ABCF2: variants seen among roughly 807,000 people sequenced by gnomAD.
ABCF2 encodes ATP binding cassette subfamily F member 2.
Under a neutral mutation model 76.9 loss-of-function variants are expected in ABCF2, and 37 were observed. The observed-to-expected ratio is 0.48, with a 90% CI of 0.37 to 0.63. ABCF2 has a LOEUF of 0.63. ABCF2 is among the 30% of genes least tolerant of loss of function. ABCF2 has a pLI of 0.00. For missense variants in ABCF2, 524 were observed against 782.1 expected (o/e 0.67, Z 3.94); for synonymous variants, 299 against 283.7 (o/e 1.05, Z -0.54).
chr7:151,220,544 G>C (rs1276082553), intron 7 of ABCF2, among the ~76,000 whole-genome samples: 2 of 152,134 alleles, frequency 1.3e-5, no homozygotes, highest in Non-Finnish European at 2.9e-5. Flanking sequence ...GACATCAATC[G>C]TTAGTTTCTT....
At chr7:151,223,873 G>A in intron 4 of ABCF2, 24 bp from the exon 5 acceptor site, 1 of 1,605,762 alleles carries the variant, frequency 6.2e-7, no homozygotes, top group Non-Finnish European at 8.5e-7. Flanking sequence ...ATGGCCATGA[G>A]GCTCCTGGGG....
chr7:151,224,412 C>G (rs1007240871), intron 3 of ABCF2, among the ~76,000 whole-genome samples: 1 of 152,154 alleles, frequency 6.6e-6, no homozygotes, highest in Admixed American at 6.5e-5. Flanking sequence ...GGTGGACGCA[C>G]CCTAATCTGA....
Position 151,218,832 on chromosome 7 carries a change from G to A in ABCF2, c.1059C>T (p.Ala353=), listed in dbSNP as rs572488243. ...TCTTCTCCTTGCTCTGGGCCTGCCG[G>A]GCCAGCTTGGCACTGCCATGACCAA... ...ARFGHGSAKL[A]RQAQSKEKTL... Residue 353 remains alanine (A), a synonymous_variant, in exon 9 of 15, where the codon GCC becomes GCT. Transcript: ENST00000287844. The A allele has an allele frequency of 1.0e-4, 161 of 1,613,328 alleles. No individual in the cohort carries two copies. The South Asian group carries it at 1.7e-3, about 17-fold the overall frequency.
Position 151,218,574 on chromosome 7 carries a change from T to A in ABCF2, c.1214A>T (p.Tyr405Phe). 6.2e-7 allele frequency: 1 copy of A among 1,614,032 alleles called. No homozygotes were observed. The highest frequency in any genetic ancestry group is 8.5e-7 in the Non-Finnish European group (1 of 1,179,916). Residue 405 changes from tyrosine (Y) to phenylalanine (F), a missense_variant, in exon 10 of 15, where the codon TAT (tyrosine) becomes TTT (phenylalanine). By Grantham distance (22) the Tyr-to-Phe change is conservative. This residue lies in a region of ABCF2 where 194 missense variants were observed against 348.6 expected (regional missense o/e 0.56). Coordinates refer to ENST00000287844, the MANE Select transcript of ABCF2 (RefSeq NM_007189.3). Reference protein sequence around the residue: ...VIMVQNVSFKYTKDGPCIYNN... With the variant: ...VIMVQNVSFKFTKDGPCIYNN... ...CCCTGAACTTACCCCATCTTTTGTA[T>A]ACTTGAAGCTCACATTTTGCACCAT...
Position 151,213,568 on chromosome 7 carries a change from C to T in ABCF2, c.*486G>A, listed in dbSNP as rs998367131. Reference sequence around the variant, plus strand: ...ATGTCACGCAGGTCTAAAAGTTACACTGCTAAATAATTATTTAAAAACTGA... The same window carrying T: ...ATGTCACGCAGGTCTAAAAGTTACATTGCTAAATAATTATTTAAAAACTGA... On this transcript the variant is annotated 3_prime_UTR_variant, in exon 15 of 15. Transcript: ENST00000287844. 27 of 987,148 alleles carry T rather than the reference C, an allele frequency of 2.7e-5. No individual in the cohort carries two copies. Among genetic ancestry groups the T allele is most frequent in the Admixed American group, 6.1e-5 (1 of 16,298 alleles). 61.1% of individuals were successfully genotyped at this position (987,148 alleles called of 1,614,324 possible).
intron 11 of ABCF2, 103 bp from the exon 12 acceptor site, chr7:151,216,132 C>T: frequency 1.0e-6 from 1 of 974,062 alleles, no homozygotes; most frequent in Non-Finnish European, 1.6e-6. Context: ...GAACAAGACT[C>T]AACTTCCTAA....
Position 151,211,644 on chromosome 7 carries a change from T to C in ABCF2, c.*2410A>G. The C allele has an allele frequency of 4.1e-6, 4 of 985,414 alleles. No homozygotes were observed. The highest frequency in any genetic ancestry group is 4.8e-6 in the Non-Finnish European group (4 of 829,920). The allele number at this position is 985,414 out of a possible 1,614,324, so 61.0% of individuals were successfully genotyped here. ...AGACTCTGGAGATCCCGAGACTACC[T>C]GAATTCTTAGCAATATCCAGCACTT... On this transcript the variant is annotated 3_prime_UTR_variant, in exon 15 of 15. Coordinates refer to ENST00000287844, the MANE Select transcript of ABCF2 (RefSeq NM_007189.3).
chr7:151,223,834 A>G lies in ABCF2; in HGVS notation c.566T>C (p.Leu189Pro), dbSNP rs1802321403. ...LAHEDAECEK[L>P]MELYERLEEL... ...CTCCAGGCGCTCGTAGAGCTCCATG[A>G]GCTTCTCACACTCCGCTGTGGACAG... The change falls in exon 5 of 15, where the codon CTC becomes CCC. Residue 189 changes from leucine (L) to proline (P), a missense_variant. By Grantham distance (98) the Leu-to-Pro change is moderately conservative. This residue lies in a region of ABCF2 where 330 missense variants were observed against 433.6 expected (regional missense o/e 0.76). Coordinates refer to ENST00000287844, the MANE Select transcript of ABCF2 (RefSeq NM_007189.3). 1 of 1,613,240 alleles carries G rather than the reference A, an allele frequency of 6.2e-7. No homozygotes were observed. The highest frequency in any genetic ancestry group is 1.7e-5 in the Admixed American group (1 of 59,932).
rs1022173497 is a variant in ABCF2, at chr7:151,213,615, G to T, written c.*439C>A. On this transcript the variant is annotated 3_prime_UTR_variant, in exon 15 of 15. Transcript: ENST00000287844. ...CTGACCAGGACGAAGGTCCTGGTCC[G>T]GAGCTCCAAACCAGAAGCAAAAAGG... 1.0e-6 allele frequency: 1 copy of T among 993,900 alleles called. No individual in the cohort carries two copies. 61.6% of individuals were successfully genotyped at this position (993,900 alleles called of 1,614,324 possible).
intron 3 of ABCF2, among the ~76,000 whole-genome samples, 186 bp from the exon 4 acceptor site, chr7:151,224,300 T>C (rs1802331946): frequency 6.6e-6 from 1 of 152,018 alleles, no homozygotes; most frequent in Non-Finnish European, 1.5e-5. Context: ...TTTCCTCCAA[T>C]TCTTGCCCCA....
rs1412896993 is a variant in ABCF2 at position 151,218,602 on chromosome 7, T to C, written c.1186A>G (p.Ile396Val). The C allele has an allele frequency of 1.2e-6, 2 of 1,614,104 alleles. No homozygotes were observed. Among genetic ancestry groups the C allele is most frequent in the Non-Finnish European group, 1.7e-6 (2 of 1,180,012 alleles). The part of the protein sequence containing the change: ...PPCGKIPPPV[I>V]MVQNVSFKYT... ...TTGAAGCTCACATTTTGCACCATAATGACAGGTGGAGGGATCTTGCCACAT... is the reference window on the plus strand; with the variant it reads ...TTGAAGCTCACATTTTGCACCATAACGACAGGTGGAGGGATCTTGCCACAT... Residue 396 changes from isoleucine (I) to valine (V), a missense_variant, in exon 10 of 15, where the codon ATT (isoleucine) becomes GTT (valine). Around this residue, in one of 2 missense-constraint regions of ABCF2, gnomAD observed 194 missense variants for 348.6 expected, o/e 0.56. Transcript: ENST00000287844.
chr7:151,211,619 A>G lies in ABCF2; in HGVS notation c.*2435T>C. The G allele has an allele frequency of 1.0e-6, 1 of 985,306 alleles. No individual in the cohort carries two copies. 61.0% of individuals were successfully genotyped at this position (985,306 alleles called of 1,614,324 possible). ...CTGAAGATCTCCTGTCCTAGTATGG[A>G]GACTCTGGAGATCCCGAGACTACCT... On this transcript the variant is annotated 3_prime_UTR_variant, in exon 15 of 15. Transcript: ENST00000287844.
chr7:151,223,746 T>A lies in ABCF2; in HGVS notation c.654A>T (p.Thr218=). ...TTAGCTTCTTGCGCTGCATGGCAGG[T>A]GTGAAACCCAGTCCATGCAAGATCC... ...ASRILHGLGF[T]PAMQRKKLKD... Residue 218 remains threonine, a synonymous_variant, in exon 5 of 15, where the codon ACA becomes ACT. Coordinates refer to ENST00000287844, the MANE Select transcript of ABCF2 (RefSeq NM_007189.3). 6.2e-7 allele frequency: 1 copy of A among 1,613,478 alleles called. No individual in the cohort carries two copies. The highest frequency in any genetic ancestry group is 8.5e-7 in the Non-Finnish European group (1 of 1,179,660).
intron 11 of ABCF2, among the ~76,000 whole-genome samples, chr7:151,216,656 C>T: frequency 6.6e-6 from 1 of 152,114 alleles, no homozygotes; most frequent in East Asian, 1.9e-4. Flanking sequence ...ATTACAGACA[C>T]CCGCCACCAC....
chr7:151,216,087 T>TAGGC, intron 11 of ABCF2, 58 bp from the exon 12 acceptor site: 1 of 1,484,466 alleles, frequency 6.7e-7, no homozygotes, highest in Non-Finnish European at 9.4e-7. Context: ...GTTAGAAACA[T>TAGGC]AGGCAGAGCA....
chr7:151,226,406 T>G lies in ABCF2; in HGVS notation c.53A>C (p.Lys18Thr). ...KKAAKKKEAAKARQRPRKGHE... is the reference protein window; with the variant it reads ...KKAAKKKEAATARQRPRKGHE... ...TCCTTTTCTGGGCCGCTGTCGAGCTTTGGCAGCCTCCTTCTTTTTGGCTGC... is the reference window on the plus strand; with the variant it reads ...TCCTTTTCTGGGCCGCTGTCGAGCTGTGGCAGCCTCCTTCTTTTTGGCTGC... The change falls in exon 2 of 15, where the codon AAA becomes ACA. Residue 18 changes from lysine to threonine, a missense_variant. Physicochemically the swap from Lys to Thr is moderately conservative, Grantham distance 78. Coordinates refer to ENST00000287844, the MANE Select transcript of ABCF2 (RefSeq NM_007189.3). 1 of 1,614,194 alleles carries G rather than the reference T, an allele frequency of 6.2e-7. No individual in the cohort carries two copies. The highest frequency in any genetic ancestry group is 8.5e-7 in the Non-Finnish European group (1 of 1,180,024).
Position 151,221,672 on chromosome 7 carries a change from C to T in ABCF2, c.827G>A (p.Arg276His). 2 of 1,609,316 alleles carry T rather than the reference C, an allele frequency of 1.2e-6. No homozygotes were observed. Among genetic ancestry groups the T allele is most frequent in the Non-Finnish European group, 1.7e-6 (2 of 1,175,814 alleles). The change falls in exon 7 of 15, where the codon CGC (arginine) becomes CAC (histidine). Residue 276 changes from arginine to histidine, a missense_variant. Arg to His is a conservative substitution (Grantham distance 29). Coordinates refer to ENST00000287844, the MANE Select transcript of ABCF2 (RefSeq NM_007189.3). The stretch of plus-strand genomic sequence containing the variant: ...GGAATGGGAGACGAGGACCAAGATG[C>T]GCTTAAAACTGTAAAGCCAAAGAAC... The part of the protein sequence containing the change: ...WLEEELKTFK[R>H]ILVLVSHSQD...
intron 1 of ABCF2, 189 bp from the exon 2 acceptor site, chr7:151,226,689 A>G: frequency 2.1e-6 from 1 of 466,292 alleles, no homozygotes; most frequent in Non-Finnish European, 3.8e-6. Flanking sequence ...GGCTCTTCTA[A>G]TCTTAACATC....
In ABCF2 at chr7:151,226,413, C is replaced by T; in HGVS notation, c.46G>A (p.Ala16Thr). 1 of 1,614,036 alleles carries T rather than the reference C, an allele frequency of 6.2e-7. No homozygotes were observed. Among genetic ancestry groups the T allele is most frequent in the Non-Finnish European group, 8.5e-7 (1 of 1,179,986 alleles). Residue 16 changes from alanine to threonine, a missense_variant, in exon 2 of 15, where the codon GCT becomes ACT. Coordinates refer to ENST00000287844, the MANE Select transcript of ABCF2 (RefSeq NM_007189.3). The stretch of plus-strand genomic sequence containing the variant: ...CTGGGCCGCTGTCGAGCTTTGGCAG[C>T]CTCCTTCTTTTTGGCTGCCTTCTTC... ...AKKKAAKKKE[A>T]AKARQRPRKG...
Sources: allele counts gnomAD v4.1 joint callset (sites outside exome capture counted in the v4.1 genomes callset), GRCh38; gene constraint gnomAD v4.1.1; regional missense constraint gnomAD v4.1.1; transcripts MANE v1.5; gene names NCBI Gene and HGNC (gene_info 2026-07-23, HGNC 2026-07-21).